Variants in VIRMA observed in about 807,000 individuals in gnomAD.
The protein encoded by VIRMA is protein virilizer homolog.
VIRMA carries 65 observed loss-of-function variants against 182.4 expected under a neutral mutation model. The ratio of observed to expected loss-of-function variants is 0.36; its 90% CI spans 0.29 to 0.44. The LOEUF (loss-of-function observed/expected upper bound fraction) is 0.44, where lower values mean the gene tolerates loss of function less well. Ranked by LOEUF, VIRMA falls within the 20% of genes least tolerant of loss-of-function variation. VIRMA has a pLI of 1.00. For synonymous variants in VIRMA, 709 were observed against 743.1 expected (o/e 0.95, Z 0.75); for missense variants, 1,752 against 2,158.1 (o/e 0.81, Z 3.73).
chr8:94,549,283 C>A (rs1476661673), intron 1 of VIRMA, among the ~76,000 whole-genome samples: 1 of 152,196 alleles, frequency 6.6e-6, no homozygotes, highest in Non-Finnish European at 1.5e-5. Context: ...TAAAGATTCC[C>A]TGTGTGAAAC....
chr8:94,492,004 G>T, intron 21 of VIRMA, 95 bp from the exon 22 acceptor site: 1 of 920,312 alleles, frequency 1.1e-6, no homozygotes, highest in South Asian at 2.2e-5. Flanking sequence ...CAGTTTTTTT[G>T]TACTCCAATT....
chr8:94,510,996 A>G (rs1814350581), intron 13 of VIRMA, 189 bp downstream of exon 13: 6 of 1,384,864 alleles, frequency 4.3e-6, no homozygotes, highest in African/African-American at 1.5e-5. Context: ...ACAAAAATTT[A>G]TTTAAAATGT....
chr8:94,536,787 G>A (rs1046982632), intron 4 of VIRMA, among the ~76,000 whole-genome samples: 2 of 152,130 alleles, frequency 1.3e-5, no homozygotes, highest in African/African-American at 4.8e-5. Context: ...AGACCATCCT[G>A]GCTAATACGG....
Position 94,492,543 on chromosome 8 carries a change from A to T in VIRMA, c.4808+109T>A, listed in dbSNP as rs1000542731. The T allele has an allele frequency of 3.6e-6, 3 of 836,396 alleles. No individual in the cohort carries two copies. The Admixed American group carries it at 7.4e-5, about 21-fold the overall frequency. 51.8% of individuals were successfully genotyped at this position (836,396 alleles called of 1,614,324 possible). ...GACCTCGGCCTCCCAAAATGCTGGG[A>T]TTACAGGCGTGAGCCACCGCGCTCG... On this transcript the variant is annotated intron_variant, in intron 21 of 23. Coordinates refer to ENST00000297591, the MANE Select transcript of VIRMA (RefSeq NM_015496.5).
At chr8:94,545,748 A>G (rs1196193276) in intron 1 of VIRMA, among the ~76,000 whole-genome samples, 1 of 152,120 alleles carries the variant, frequency 6.6e-6, no homozygotes, top group Non-Finnish European at 1.5e-5. Flanking sequence ...TGCAAAAGAG[A>G]ACATGGAACA....
chr8:94,535,611 C>T (rs1382381607), intron 4 of VIRMA, among the ~76,000 whole-genome samples: 1 of 151,980 alleles, frequency 6.6e-6, no homozygotes, highest in Non-Finnish European at 1.5e-5. Context: ...GGTGAAACCT[C>T]GTCTCTACTA....
intron 8 of VIRMA, among the ~76,000 whole-genome samples, chr8:94,522,004 A>T (rs1245278374): frequency 5.3e-5 from 8 of 152,208 alleles, no homozygotes; most frequent in Non-Finnish European, 7.3e-5. Flanking sequence ...AACTGATAAG[A>T]ATGGTTCCTT....
rs149936315 is a variant in VIRMA, at chr8:94,527,219, T to A, written c.1025A>T (p.Asp342Val). 4 of 1,613,840 alleles carry A rather than the reference T, an allele frequency of 2.5e-6. No individual in the cohort carries two copies. In the African/African-American group the frequency reaches 5.3e-5, roughly 22 times the overall value. ...GTATAAGAGTGGTACAAGCTCCCTGTCATATGGATCATATGTCATAGGAGG... is the reference window on the plus strand; with the variant it reads ...GTATAAGAGTGGTACAAGCTCCCTGACATATGGATCATATGTCATAGGAGG... ...SVPPMTYDPY[D>V]RELVPLLYFS... is the part of the protein sequence containing the mutation. The change falls in exon 8 of 24, where the codon GAC becomes GTC. Residue 342 changes from aspartate (D) to valine (V), a missense_variant. Asp to Val is a radical substitution (Grantham distance 152). This residue lies in a region of VIRMA where 401 missense variants were observed against 455.1 expected (regional missense o/e 0.88). Coordinates refer to ENST00000297591, the MANE Select transcript of VIRMA (RefSeq NM_015496.5).
At chr8:94,492,624 T>C (rs1489934035) in intron 21 of VIRMA, 28 bp downstream of exon 21, 2 of 1,590,730 alleles carry the variant, frequency 1.3e-6, no homozygotes, top group African/African-American at 1.3e-5. Flanking sequence ...GTGATGACAT[T>C]TGAGATCTTC....
chr8:94,542,899 T>C (rs1815610710), intron 2 of VIRMA, among the ~76,000 whole-genome samples: 1 of 152,106 alleles, frequency 6.6e-6, no homozygotes, highest in Non-Finnish European at 1.5e-5. Flanking sequence ...CACCACAAAG[T>C]AGCTAGTTTA....
chr8:94,517,238 TG>T lies in VIRMA; in HGVS notation c.2668+549del, dbSNP rs1455726656. Among the ~76,000 whole-genome samples, 27 of 152,326 alleles carry T rather than the reference TG, an allele frequency of 1.8e-4. No homozygotes were observed. In the East Asian group the frequency reaches 4.6e-3, roughly 26 times the overall value. On this transcript the variant is annotated intron_variant, in intron 10 of 23. Coordinates refer to ENST00000297591, the MANE Select transcript of VIRMA (RefSeq NM_015496.5). ...TTTTTTTTGAGATGGAGTCTTGCTC[TG>T]TTGCCCAGGCTGGAGCACAGTGGTG...
Position 94,519,285 on chromosome 8 carries a change from A to C in VIRMA, c.2213T>G (p.Phe738Cys), listed in dbSNP as rs1206923644. The part of the protein sequence containing the change: ...TNLLIRALCH[F>C]YDQDEEEGLQ... ...ACCTTCCTCCTCATCTTGATCATAA[A>C]AGTGACACAGAGCTCGGATCAATAA... Residue 738 changes from phenylalanine (F) to cysteine (C), a missense_variant, in exon 9 of 24, where the codon TTT (phenylalanine) becomes TGT (cysteine). Transcript: ENST00000297591. The C allele has an allele frequency of 6.2e-7, 1 of 1,613,950 alleles. No individual in the cohort carries two copies. The highest frequency in any genetic ancestry group is 2.2e-5 in the East Asian group (1 of 44,892).
At chr8:94,514,027 A>T (rs1814462399) in intron 11 of VIRMA, among the ~76,000 whole-genome samples, 1 of 152,126 alleles carries the variant, frequency 6.6e-6, no homozygotes, top group Admixed American at 6.5e-5. Flanking sequence ...AATATACAAA[A>T]ATTATTTTAA....
intron 22 of VIRMA, 155 bp from the exon 23 acceptor site, chr8:94,490,237 G>C (rs1813565873): frequency 1.3e-6 from 1 of 763,056 alleles, no homozygotes; most frequent in African/African-American, 1.8e-5. Flanking sequence ...CAGTGGTTAA[G>C]AGCAGAGGCT....
chr8:94,500,227 G>A (rs770338460), intron 16 of VIRMA, among the ~76,000 whole-genome samples: 1 of 151,798 alleles, frequency 6.6e-6, no homozygotes, highest in African/African-American at 2.4e-5. Flanking sequence ...GTAAAATCCC[G>A]TCTCTACTAA....
rs1053217546 is a variant in VIRMA at position 94,534,780 on chromosome 8, T to A, written c.484+59A>T. The A allele has an allele frequency of 1.2e-4, 193 of 1,572,578 alleles. 1 individual carries two copies. Among genetic ancestry groups the A allele is most frequent in the South Asian group, 1.3e-4 (11 of 86,510 alleles). ...GTAAAAGAGTGCTCTTCGAATTATT[T>A]TTTTTTTTTAAACCACGGATATAAG... On this transcript the variant is annotated intron_variant, in intron 5 of 23. Coordinates refer to ENST00000297591, the MANE Select transcript of VIRMA (RefSeq NM_015496.5).
chr8:94,503,650 T>C (rs566130528), intron 16 of VIRMA, among the ~76,000 whole-genome samples: 38 of 152,184 alleles, frequency 2.5e-4, no homozygotes, highest in Non-Finnish European at 5.6e-4. Context: ...AATAGTAGTA[T>C]GACAACATTA....
rs938249090 is a variant in VIRMA, at chr8:94,547,232, C to T, written c.64-3290G>A. On this transcript the variant is annotated intron_variant, in intron 1 of 23. Transcript: ENST00000297591. Reference sequence around the variant, plus strand: ...ATTTAATAAATGAATTTTTAATAGGCACTTGATTAATGGTTATTGAATTGT... The same window carrying T: ...ATTTAATAAATGAATTTTTAATAGGTACTTGATTAATGGTTATTGAATTGT... 9.3e-5 allele frequency among the ~76,000 whole-genome samples: 14 copies of T among 150,916 alleles called. No homozygotes were observed. The East Asian group carries it at 2.3e-3, about 25-fold the overall frequency.
chr8:94,544,577 C>T (rs181432409), intron 1 of VIRMA, among the ~76,000 whole-genome samples: 3,865 of 143,668 alleles, frequency 0.027, 178 homozygotes, highest in African/African-American at 0.093. Flanking sequence ...AGGAGAATGG[C>T]GTGAACCCGG....
Sources: allele counts gnomAD v4.1 joint callset (sites outside exome capture counted in the v4.1 genomes callset), GRCh38; gene constraint gnomAD v4.1.1; regional missense constraint gnomAD v4.1.1; transcripts MANE v1.5; gene names NCBI Gene and HGNC (gene_info 2026-07-23, HGNC 2026-07-21).